CNTN4: variants seen among roughly 807,000 people sequenced by gnomAD.
The protein encoded by CNTN4 is contactin 4, also known as contactin-4.
A neutral mutation model predicts 122.5 loss-of-function variants in CNTN4; 77 were observed. The ratio of observed to expected loss-of-function variants is 0.63; its 90% CI spans 0.52 to 0.76. The LOEUF (loss-of-function observed/expected upper bound fraction) is 0.76. Ranked by LOEUF, CNTN4 falls within the 30% of genes least tolerant of loss-of-function variation. The pLI, the probability that CNTN4 is intolerant of heterozygous loss-of-function variation, is 0.00. For synonymous variants in CNTN4, 512 were observed against 447.0 expected, an observed-to-expected ratio of 1.15 and a Z score of -1.83; for missense variants, 1,256 against 1,259.1, an observed-to-expected ratio of 1.00 and a Z score of 0.04.
At chr3:2,809,594 TGAAACCAAA>T (rs1290275733) in intron 6 of CNTN4, among the ~76,000 whole-genome samples, 7 of 152,164 alleles carry the variant, frequency 4.6e-5, no homozygotes, top group African/African-American at 1.7e-4. Context: ...TGTGTAAGTA[TGAAACCAAA>T]GATAAAGAAT....
At chr3:2,508,435 C>T (rs996974246) in intron 3 of CNTN4, among the ~76,000 whole-genome samples, 1 of 152,194 alleles carries the variant, frequency 6.6e-6, no homozygotes, top group Non-Finnish European at 1.5e-5. Flanking sequence ...GATTCTAAAG[C>T]ATTTAAAAAT....
At chr3:2,922,939 G>A (rs2094442662) in intron 12 of CNTN4, among the ~76,000 whole-genome samples, 1 of 152,100 alleles carries the variant, frequency 6.6e-6, no homozygotes, top group Non-Finnish European at 1.5e-5. Flanking sequence ...TTTAATTAGT[G>A]AAAGATGTTC....
intron 13 of CNTN4, among the ~76,000 whole-genome samples, chr3:2,965,502 C>G (rs144497123): frequency 6.6e-6 from 1 of 152,186 alleles, no homozygotes; most frequent in South Asian, 2.1e-4. Flanking sequence ...TTAATTTTAA[C>G]GTTAAGTTTA....
At position 2,982,760 on chromosome 3, in the gene CNTN4, C is replaced by T. The variant is rs528524897; in HGVS notation, c.1359-5585C>T. Among the ~76,000 whole-genome samples the T allele has an allele frequency of 3.9e-5, 6 of 152,256 alleles. No homozygotes were observed. The East Asian group carries it at 9.6e-4, about 24-fold the overall frequency. On this transcript the variant is annotated intron_variant, in intron 13 of 24. Transcript: ENST00000418658. ...CCTAGATAGTTTGTCAAACAGCTTT[C>T]CCATTGAAAACAGTAATGCTCATTT...
intron 13 of CNTN4, among the ~76,000 whole-genome samples, chr3:2,972,717 A>G (rs1389890341): frequency 1.3e-5 from 2 of 151,318 alleles, no homozygotes; most frequent in African/African-American, 4.9e-5. Flanking sequence ...TTGCCAGAAA[A>G]CTCCTTTACA....
chr3:2,571,629 T>G, intron 4 of CNTN4, 71 bp downstream of exon 4: 1 of 1,109,178 alleles, frequency 9.0e-7, no homozygotes, highest in Non-Finnish European at 1.4e-6. Flanking sequence ...AAAGTGGGCC[T>G]TCACTTTAGA....
chr3:3,016,295 G>C (rs2125552958), intron 14 of CNTN4, among the ~76,000 whole-genome samples: 1 of 152,176 alleles, frequency 6.6e-6, no homozygotes, highest in South Asian at 2.1e-4. Flanking sequence ...AATGTGAGAG[G>C]GCAAATTTAA....
At chr3:2,885,701 A>C (rs1387813107) in intron 9 of CNTN4, among the ~76,000 whole-genome samples, 1 of 152,216 alleles carries the variant, frequency 6.6e-6, no homozygotes, top group Non-Finnish European at 1.5e-5. Context: ...GAATTTTATT[A>C]TATCTTACAA....
At chr3:2,547,400 G>T (rs953830222) in intron 3 of CNTN4, among the ~76,000 whole-genome samples, 1 of 151,828 alleles carries the variant, frequency 6.6e-6, no homozygotes, top group African/African-American at 2.4e-5. Context: ...CTAGTAGCTG[G>T]GATTATAAGT....
At chr3:2,150,471 T>C (rs1399770379) in intron 2 of CNTN4, among the ~76,000 whole-genome samples, 1 of 152,162 alleles carries the variant, frequency 6.6e-6, no homozygotes, top group East Asian at 1.9e-4. Context: ...AGGACATATG[T>C]TTTTCTATTT....
chr3:2,560,641 A>G (rs1035598613), intron 3 of CNTN4, among the ~76,000 whole-genome samples: 6 of 152,222 alleles, frequency 3.9e-5, no homozygotes, highest in Non-Finnish European at 8.8e-5. Context: ...GCCTAAAACA[A>G]TACAAGTCCA....
At chr3:3,013,488 T>C (rs1697436881) in intron 14 of CNTN4, among the ~76,000 whole-genome samples, 3 of 152,236 alleles carry the variant, frequency 2.0e-5, no homozygotes, top group South Asian at 4.1e-4. Flanking sequence ...GTCCTGCTTA[T>C]TACTGGTGCT....
At chr3:2,296,400 G>T (rs570506631) in intron 2 of CNTN4, among the ~76,000 whole-genome samples, 3 of 152,046 alleles carry the variant, frequency 2.0e-5, no homozygotes, top group Admixed American at 2.0e-4. Context: ...TACATCCCTT[G>T]TAAGTTGGAT....
chr3:2,238,745 TGAGACGGAG>T (rs2039783920), intron 2 of CNTN4: 1 of 109,152 alleles, frequency 9.2e-6, no homozygotes. Context: ...GTTTTTTTTT[TGAGACGGAG>T]TCTGGCCCTG....
chr3:2,855,897 C>T (rs1262322970), intron 7 of CNTN4, among the ~76,000 whole-genome samples: 1 of 152,194 alleles, frequency 6.6e-6, no homozygotes, highest in Non-Finnish European at 1.5e-5. Flanking sequence ...AAGGGGCTCA[C>T]TCATTCTGAC....
intron 4 of CNTN4, among the ~76,000 whole-genome samples, chr3:2,665,587 A>T (rs2084112903): frequency 6.6e-6 from 1 of 152,096 alleles, no homozygotes; most frequent in Non-Finnish European, 1.5e-5. Context: ...CACTTGGGAG[A>T]AACCTGGGTG....
chr3:2,593,638 AG>A (rs2080611773), intron 4 of CNTN4, among the ~76,000 whole-genome samples: 1 of 152,246 alleles, frequency 6.6e-6, no homozygotes, highest in Non-Finnish European at 1.5e-5. Flanking sequence ...AGATCTTATA[AG>A]AATGTTACTG....
At chr3:2,824,615 G>A (rs577764991) in intron 7 of CNTN4, among the ~76,000 whole-genome samples, 18 of 152,300 alleles carry the variant, frequency 1.2e-4, no homozygotes, top group African/African-American at 3.6e-4. Flanking sequence ...CACTCAAGCC[G>A]AAGGGCTGAG....
Position 2,967,245 on chromosome 3 carries a change from A to T in CNTN4, c.1359-21100A>T, listed in dbSNP as rs150862084. On this transcript the variant is annotated intron_variant, in intron 13 of 24. Transcript: ENST00000418658. ...GAGTCAGTTCCTGGGTGGGGGCTGT[A>T]AAATCAGATGAGCCAGTTTATTGAT... Among the ~76,000 whole-genome samples the T allele has an allele frequency of 6.3e-4, 96 of 152,234 alleles. 1 individual carries two copies. The East Asian group carries it at 0.017, about 26-fold the overall frequency.
Sources: gnomAD v4.1 joint callset for allele counts (sites outside exome capture counted in the v4.1 genomes callset) on GRCh38, gnomAD v4.1.1 for gene constraint, MANE v1.5 for transcripts, NCBI Gene and HGNC (gene_info 2026-07-23, HGNC 2026-07-21) for gene names.